The following DMRT1 variants were observed in gnomAD, a reference collection of about 807,000 sequenced individuals.
DMRT1 encodes the protein doublesex and mab-3 related transcription factor 1.
Under a neutral mutation model 32.3 loss-of-function variants are expected in DMRT1, and 7 were observed. The ratio of observed to expected loss-of-function variants is 0.22; its 90% CI spans 0.12 to 0.41. DMRT1 has a LOEUF of 0.41. Ranked by LOEUF, DMRT1 falls within the 10% of genes least tolerant of loss-of-function variation. The pLI is 1.00. For missense variants in DMRT1, 625 were observed against 500.5 expected (o/e 1.25, Z -2.37); for synonymous variants, 278 against 206.1 (o/e 1.35, Z -2.99).
chr9:905,494 G>GTGTGTGTA (rs1237439997), intron 3 of DMRT1, among the ~76,000 whole-genome samples: 1 of 151,652 alleles, frequency 6.6e-6, no homozygotes, highest in African/African-American at 2.4e-5. Context: ...GTGTCTGTGT[G>GTGTGTGTA]TGTGTGTGTG....
chr9:863,550 C>A (rs1476154624), intron 2 of DMRT1, among the ~76,000 whole-genome samples: 1 of 152,130 alleles, frequency 6.6e-6, no homozygotes, highest in African/African-American at 2.4e-5. Context: ...GGGACCTAGT[C>A]CTACTAACAC....
At chr9:902,292 G>C (rs1358818165) in intron 3 of DMRT1, among the ~76,000 whole-genome samples, 3 of 149,884 alleles carry the variant, frequency 2.0e-5, no homozygotes, top group Non-Finnish European at 4.4e-5. Context: ...AATGTAAAAA[G>C]TTGATACCCG....
chr9:957,827 T>C (rs1408839338), intron 4 of DMRT1, among the ~76,000 whole-genome samples: 3 of 152,060 alleles, frequency 2.0e-5, no homozygotes, highest in Admixed American at 6.6e-5. Flanking sequence ...CTGACCAACA[T>C]GGCGAAACAC....
In DMRT1 at chr9:955,563, A is replaced by G. The variant is rs1423805544; in HGVS notation, c.968-12422A>G. ...CTACTAAAAATGCAAGAAATTAGCT[A>G]GGCATGATAGTGCATGCCTGTAGTC... On this transcript the variant is annotated intron_variant, in intron 4 of 4. Transcript: ENST00000382276. Among the ~76,000 whole-genome samples the G allele has an allele frequency of 6.6e-5, 10 of 152,116 alleles. No individual in the cohort carries two copies. The East Asian group carries it at 1.9e-3, about 29-fold the overall frequency.
intron 3 of DMRT1, among the ~76,000 whole-genome samples, chr9:906,031 C>CACACA (rs755850220): frequency 3.6e-4 from 7 of 19,232 alleles, no homozygotes; most frequent in African/African-American, 5.0e-4. Context: ...ACACACACAC[C>CACACA]CACACACACA....
At chr9:940,339 CA>C (rs1240873534) in intron 4 of DMRT1, among the ~76,000 whole-genome samples, 5 of 152,098 alleles carry the variant, frequency 3.3e-5, no homozygotes, top group Non-Finnish European at 5.9e-5. Context: ...AACAGATAAA[CA>C]AAAGAAGGCA....
intron 3 of DMRT1, among the ~76,000 whole-genome samples, chr9:916,258 T>C (rs1818177411): frequency 6.6e-6 from 1 of 152,182 alleles, no homozygotes; most frequent in African/African-American, 2.4e-5. Flanking sequence ...AGGGGTGCTT[T>C]AGAGGGGACC....
chr9:960,474 G>C (rs1819735873), intron 4 of DMRT1, among the ~76,000 whole-genome samples: 1 of 152,224 alleles, frequency 6.6e-6, no homozygotes, highest in African/African-American at 2.4e-5. Context: ...AAAATAATGA[G>C]TAACAAGTGT....
chr9:872,154 C>T (rs1221066243), intron 2 of DMRT1, among the ~76,000 whole-genome samples: 1 of 151,210 alleles, frequency 6.6e-6, no homozygotes, highest in Non-Finnish European at 1.5e-5. Flanking sequence ...CTCTGCCTCC[C>T]AGGTTCAAGG....
intron 2 of DMRT1, among the ~76,000 whole-genome samples, chr9:855,431 G>C (rs536119689): frequency 1.3e-5 from 2 of 152,148 alleles, no homozygotes; most frequent in Non-Finnish European, 2.9e-5. Flanking sequence ...ATCCATTTCT[G>C]TATAGTACAG....
In DMRT1 at chr9:962,553, GT is replaced by G. The variant is rs529343159; in HGVS notation, c.968-5431del. On this transcript the variant is annotated intron_variant, in intron 4 of 4. Transcript: ENST00000382276. ...TGTGGTCCAGGAGGGCTTGGGTGGG[GT>G]GGGGTGGGGTGGAGGTGGCACTGGG... Among the ~76,000 whole-genome samples the G allele has an allele frequency of 1.8e-3, 277 of 150,244 alleles. 1 individual carries two copies. Among genetic ancestry groups the G allele is most frequent in the African/African-American group, 6.2e-3 (253 of 40,852 alleles).
chr9:917,340 A>G (rs570880130), intron 4 of DMRT1, among the ~76,000 whole-genome samples: 12 of 152,314 alleles, frequency 7.9e-5, no homozygotes, highest in African/African-American at 2.9e-4. Flanking sequence ...ATAATAAAAC[A>G]TTTTTGAATA....
At position 851,332 on chromosome 9, in the gene DMRT1, G is replaced by A. The variant is rs1340821646; in HGVS notation, c.538+4189G>A. The stretch of plus-strand genomic sequence containing the variant: ...TGGCTCACTGCAACCTCCACCTCCC[G>A]GGCTCAGACGATTCTCTCACCTCAG... On this transcript the variant is annotated intron_variant, in intron 2 of 4. Coordinates refer to ENST00000382276, the MANE Select transcript of DMRT1 (RefSeq NM_021951.3). 2.0e-5 allele frequency among the ~76,000 whole-genome samples: 3 copies of A among 152,118 alleles called. No homozygotes were observed. In the East Asian group the frequency reaches 5.8e-4, roughly 30 times the overall value.
chr9:914,357 G>A (rs946617001), intron 3 of DMRT1, among the ~76,000 whole-genome samples: 5 of 151,934 alleles, frequency 3.3e-5, no homozygotes, highest in African/African-American at 9.7e-5. Flanking sequence ...GGCAGATCAC[G>A]AGGTCATGAG....
intron 2 of DMRT1, among the ~76,000 whole-genome samples, chr9:850,283 A>T (rs1057151656): frequency 1.3e-5 from 2 of 152,224 alleles, no homozygotes; most frequent in African/African-American, 4.8e-5. Context: ...GAATTAAACT[A>T]CGTAAATATA....
intron 2 of DMRT1, among the ~76,000 whole-genome samples, chr9:861,381 G>C (rs1283828587): frequency 1.3e-5 from 2 of 152,072 alleles, no homozygotes; most frequent in African/African-American, 4.8e-5. Context: ...CACGGGGTTG[G>C]GGGTAAGGTT....
chr9:942,101 A>G (rs542526033), intron 4 of DMRT1, among the ~76,000 whole-genome samples: 2 of 152,188 alleles, frequency 1.3e-5, no homozygotes, highest in African/African-American at 4.8e-5. Flanking sequence ...AGGTATGACA[A>G]CATCTTGGTA....
At chr9:854,813 T>C (rs999925796) in intron 2 of DMRT1, among the ~76,000 whole-genome samples, 1 of 148,172 alleles carries the variant, frequency 6.7e-6, no homozygotes, top group Non-Finnish European at 1.5e-5. Flanking sequence ...TCACCCAGGC[T>C]GGAGTGCAGT....
intron 2 of DMRT1, among the ~76,000 whole-genome samples, chr9:887,620 C>A (rs79767683): frequency 0.02 from 3,001 of 152,240 alleles, 82 homozygotes; most frequent in African/African-American, 0.067. Context: ...CTCCTTTGGG[C>A]CTCTGTTGAC....
Sources: gnomAD v4.1 joint callset for allele counts (sites outside exome capture counted in the v4.1 genomes callset) on GRCh38, gnomAD v4.1.1 for gene constraint, MANE v1.5 for transcripts, NCBI Gene and HGNC (gene_info 2026-07-23, HGNC 2026-07-21) for gene names.